The following TRPM3 variants were observed in gnomAD, a reference collection of about 807,000 sequenced individuals.
TRPM3 encodes transient receptor potential cation channel subfamily M member 3, also known as long transient receptor potential channel 3.
TRPM3 carries 77 observed loss-of-function variants against 181.2 expected under a neutral mutation model. The observed-to-expected ratio is 0.42, with a 90% confidence interval of 0.35 to 0.51. TRPM3 has a LOEUF of 0.51. TRPM3 is among the 20% of genes least tolerant of loss of function. The pLI is 0.01. For missense variants in TRPM3, 1,759 were observed against 2,196.7 expected, an observed-to-expected ratio of 0.80 and a Z score of 3.98; for synonymous variants, 745 against 796.4, an observed-to-expected ratio of 0.94 and a Z score of 1.09.
chr9:71,332,788 A>G (rs2090300010), intron 1 of TRPM3, among the ~76,000 whole-genome samples: 2 of 151,018 alleles, frequency 1.3e-5, no homozygotes, highest in South Asian at 4.2e-4. Flanking sequence ...AAATTTTTAA[A>G]TGTATGTGCA....
chr9:70,535,633 T>C lies in TRPM3; in HGVS notation c.*320A>G. Reference sequence around the variant, plus strand: ...GGCATGGAGCGTGCTCGAAGCCCCTTGTTTCCCCTGCTCTCATGGCTTTCT... The same window carrying C: ...GGCATGGAGCGTGCTCGAAGCCCCTCGTTTCCCCTGCTCTCATGGCTTTCT... On this transcript the variant is annotated 3_prime_UTR_variant, in exon 26 of 26. Coordinates refer to ENST00000677713, the MANE Select transcript of TRPM3 (RefSeq NM_001366145.2). 6.9e-7 allele frequency: 1 copy of C among 1,455,006 alleles called. No individual in the cohort carries two copies. Among genetic ancestry groups the C allele is most frequent in the Non-Finnish European group, 9.0e-7 (1 of 1,111,164 alleles). The allele number at this position is 1,455,006 out of a possible 1,614,324, so 90.1% of individuals were successfully genotyped here. A position where few individuals can be genotyped will look rare whatever the true frequency, so the allele number is the denominator to read the frequency against.
At chr9:70,616,746 C>T (rs11142508) in intron 17 of TRPM3, among the ~76,000 whole-genome samples, 75,055 of 151,820 alleles carry the variant, frequency 0.49, 20,283 homozygotes, top group Non-Finnish European at 0.6. Flanking sequence ...AGAGAGTCCC[C>T]TTACACACAA....
intron 1 of TRPM3, among the ~76,000 whole-genome samples, chr9:71,090,995 C>T (rs2066114029): frequency 1.3e-5 from 2 of 152,064 alleles, no homozygotes; most frequent in African/African-American, 4.8e-5. Flanking sequence ...TCCTCCCCCA[C>T]CATTTATTTT....
intron 6 of TRPM3, among the ~76,000 whole-genome samples, chr9:70,814,715 G>T (rs1019328077): frequency 1.3e-5 from 2 of 152,172 alleles, no homozygotes; most frequent in African/African-American, 4.8e-5. Context: ...GTAAGCAAGA[G>T]AAAAGAAGGT....
intron 1 of TRPM3, among the ~76,000 whole-genome samples, chr9:71,347,945 C>T (rs1426968802): frequency 6.6e-6 from 1 of 151,968 alleles, no homozygotes; most frequent in Admixed American, 6.6e-5. Context: ...GATTGATTTG[C>T]ACTAAGAAAT....
intron 9 of TRPM3, among the ~76,000 whole-genome samples, chr9:70,674,977 C>G (rs1313623824): frequency 6.6e-6 from 1 of 151,940 alleles, no homozygotes; most frequent in African/African-American, 2.4e-5. Flanking sequence ...CATAGAGATT[C>G]TCATTATTTT....
intron 1 of TRPM3, among the ~76,000 whole-genome samples, chr9:70,972,050 CAG>C (rs1002999421): frequency 1.3e-5 from 2 of 152,108 alleles, no homozygotes; most frequent in African/African-American, 4.8e-5. Flanking sequence ...AAATGTTAAC[CAG>C]AGTTATATGA....
At chr9:71,003,743 A>G (rs1005732767) in intron 1 of TRPM3, among the ~76,000 whole-genome samples, 20 of 152,244 alleles carry the variant, frequency 1.3e-4, no homozygotes, top group African/African-American at 4.6e-4. Context: ...GGTGGAATGA[A>G]GAGCCCCCCG....
intron 1 of TRPM3, among the ~76,000 whole-genome samples, chr9:71,165,697 G>A (rs2076507511): frequency 1.3e-5 from 2 of 152,084 alleles, no homozygotes; most frequent in African/African-American, 4.8e-5. Flanking sequence ...GTGTTGAAAG[G>A]TCACTCATCA....
At chr9:70,585,856 T>G (rs1245175358) in intron 22 of TRPM3, among the ~76,000 whole-genome samples, 2 of 152,190 alleles carry the variant, frequency 1.3e-5, no homozygotes, top group Admixed American at 6.5e-5. Context: ...TTGATCATGG[T>G]ACTATTCTGA....
At chr9:71,096,417 AGAC>A (rs2067212831) in intron 1 of TRPM3, among the ~76,000 whole-genome samples, 1 of 151,502 alleles carries the variant, frequency 6.6e-6, no homozygotes, top group Admixed American at 6.6e-5. Flanking sequence ...TGAAAATCAG[AGAC>A]AAAACAAAGA....
chr9:71,039,289 T>G (rs2058559593), intron 1 of TRPM3, among the ~76,000 whole-genome samples: 1 of 152,112 alleles, frequency 6.6e-6, no homozygotes, highest in African/African-American at 2.4e-5. Flanking sequence ...AATCAAGAAT[T>G]CAAAACTACT....
At position 71,282,158 on chromosome 9, in the gene TRPM3, G is replaced by A. The variant is rs200829697; in HGVS notation, c.183+164495C>T. On this transcript the variant is annotated intron_variant, in intron 1 of 24. Coordinates refer to the TRPM3 transcript ENST00000357533. Reference sequence around the variant, plus strand: ...AAAGAAAGAAAGGAAAGAAAGAAAGGAAAAGAAAGAATGAAAGAAAGAAAG... The same window carrying A: ...AAAGAAAGAAAGGAAAGAAAGAAAGAAAAAGAAAGAATGAAAGAAAGAAAG... Among the ~76,000 whole-genome samples, 74 of 62,710 alleles carry A rather than the reference G, an allele frequency of 1.2e-3. 3 individuals are homozygous for A. Among genetic ancestry groups the A allele is most frequent in the East Asian group, 3.8e-3 (4 of 1,058 alleles). The allele number at this position is 62,710 out of a possible 152,430, so 41.1% of individuals were successfully genotyped here.
At chr9:71,078,159 A>G (rs2063733478) in intron 1 of TRPM3, among the ~76,000 whole-genome samples, 1 of 152,122 alleles carries the variant, frequency 6.6e-6, no homozygotes. Flanking sequence ...GTACAGATAA[A>G]CTGCAAACAT....
intron 6 of TRPM3, among the ~76,000 whole-genome samples, chr9:70,804,048 T>C (rs755673453): frequency 1.3e-5 from 2 of 151,800 alleles, no homozygotes; most frequent in African/African-American, 2.4e-5. Context: ...TGTACTGTTC[T>C]GGCCAGGCAT....
At chr9:71,197,240 T>A (rs1291403641) in intron 1 of TRPM3, among the ~76,000 whole-genome samples, 9 of 152,224 alleles carry the variant, frequency 5.9e-5, no homozygotes, top group African/African-American at 2.2e-4. Flanking sequence ...ATGGTGTATA[T>A]GAGCCACATT....
intron 9 of TRPM3, among the ~76,000 whole-genome samples, chr9:70,662,166 T>C (rs1193014969): frequency 6.6e-6 from 1 of 151,786 alleles, no homozygotes; most frequent in African/African-American, 2.4e-5. Flanking sequence ...AAAACATACA[T>C]TGGGAAAAGG....
chr9:70,955,143 T>C (rs939547694), intron 1 of TRPM3, among the ~76,000 whole-genome samples: 10 of 152,170 alleles, frequency 6.6e-5, no homozygotes, highest in African/African-American at 2.4e-4. Flanking sequence ...TCTAATTGTC[T>C]GTATTACAGT....
intron 1 of TRPM3, among the ~76,000 whole-genome samples, chr9:70,969,866 C>A (rs1341163532): frequency 4.6e-5 from 7 of 151,176 alleles, no homozygotes; most frequent in African/African-American, 9.7e-5. Context: ...AATGGTAACT[C>A]TTATTACCAC....
Sources: gnomAD v4.1 joint callset for allele counts (sites outside exome capture counted in the v4.1 genomes callset) on GRCh38, gnomAD v4.1.1 for gene constraint, MANE v1.5 for transcripts, NCBI Gene and HGNC (gene_info 2026-07-23, HGNC 2026-07-21) for gene names.